CPQ: variants seen among roughly 807,000 people sequenced by gnomAD.
CPQ encodes carboxypeptidase Q.
CPQ carries 37 observed loss-of-function variants against 45.7 expected under a neutral mutation model. The observed-to-expected ratio is 0.81, with a 90% CI of 0.62 to 1.07. The LOEUF is 1.07. Ranked by LOEUF, CPQ falls within the 50% of genes least tolerant of loss-of-function variation. CPQ has a pLI of 0.00. For synonymous variants in CPQ, 186 were observed against 205.8 expected (o/e 0.90, Z 0.82); for missense variants, 537 against 572.9 (o/e 0.94, Z 0.64).
In CPQ at chr8:96,933,626, A is replaced by G. The variant is rs528375280; in HGVS notation, c.850-32309A>G. On this transcript the variant is annotated intron_variant, in intron 4 of 7. Coordinates refer to ENST00000220763, the MANE Select transcript of CPQ (RefSeq NM_016134.4). ...GAACACTTAGGAGGAGCACCATACT[A>G]TTCTATGGTGTGGTGGTCAGCAAAA... Among the ~76,000 whole-genome samples, 10 of 152,280 alleles carry G rather than the reference A, an allele frequency of 6.6e-5. No homozygotes were observed. The East Asian group carries it at 1.9e-3, about 29-fold the overall frequency.
At chr8:96,793,515 CAT>C (rs1015545663) in intron 2 of CPQ, among the ~76,000 whole-genome samples, 39 of 152,302 alleles carry the variant, frequency 2.6e-4, no homozygotes, top group African/African-American at 9.1e-4. Flanking sequence ...CTTCCCACAA[CAT>C]GTGGAAATTC....
chr8:96,924,605 C>A (rs1450124002), intron 4 of CPQ, among the ~76,000 whole-genome samples: 5 of 152,072 alleles, frequency 3.3e-5, no homozygotes, highest in African/African-American at 1.2e-4. Flanking sequence ...CTTTTATCAC[C>A]CATTCACTCC....
chr8:96,728,302 A>G (rs1345847892), intron 1 of CPQ, among the ~76,000 whole-genome samples: 1 of 152,144 alleles, frequency 6.6e-6, no homozygotes, highest in Non-Finnish European at 1.5e-5. Flanking sequence ...AAGTATGACA[A>G]GAGGCCAGGA....
intron 2 of CPQ, among the ~76,000 whole-genome samples, chr8:96,804,616 C>G (rs1811054574): frequency 6.6e-6 from 1 of 151,674 alleles, no homozygotes; most frequent in Admixed American, 6.6e-5. Context: ...ACAGTTCATA[C>G]TCTTTTGGTC....
chr8:97,105,806 T>A (rs1383311491), intron 7 of CPQ, among the ~76,000 whole-genome samples: 1 of 152,246 alleles, frequency 6.6e-6, no homozygotes, highest in Non-Finnish European at 1.5e-5. Context: ...TTTAAAAATA[T>A]CATTTACCCT....
intron 3 of CPQ, among the ~76,000 whole-genome samples, chr8:96,866,880 A>G (rs1343117779): frequency 6.6e-6 from 1 of 152,130 alleles, no homozygotes; most frequent in Non-Finnish European, 1.5e-5. Context: ...TTAGGAACAC[A>G]CTATCCAGAT....
At chr8:96,738,369 C>A (rs1354114353) in intron 1 of CPQ, among the ~76,000 whole-genome samples, 2 of 151,702 alleles carry the variant, frequency 1.3e-5, no homozygotes, top group African/African-American at 4.8e-5. Context: ...TTGCCTTATA[C>A]TTTGAAATGT....
Position 96,958,655 on chromosome 8 carries a change from G to A in CPQ, c.850-7280G>A, listed in dbSNP as rs151148391. Among the ~76,000 whole-genome samples, 722 of 152,178 alleles carry A rather than the reference G, an allele frequency of 4.7e-3. 8 individuals are homozygous for A. Among genetic ancestry groups the A allele is most frequent in the African/African-American group, 0.017 (686 of 41,506 alleles). On this transcript the variant is annotated intron_variant, in intron 4 of 7. Coordinates refer to ENST00000220763, the MANE Select transcript of CPQ (RefSeq NM_016134.4). Reference sequence around the variant, plus strand: ...ACCTAGTGCTTGGTTTTCATGCGCCGCAGATAAATTAGGTCCTTCTTGTTT... The same window carrying A: ...ACCTAGTGCTTGGTTTTCATGCGCCACAGATAAATTAGGTCCTTCTTGTTT...
At chr8:96,685,839 G>C (rs1809220221) in intron 1 of CPQ, among the ~76,000 whole-genome samples, 1 of 152,070 alleles carries the variant, frequency 6.6e-6, no homozygotes, top group African/African-American at 2.4e-5. Context: ...TTAACATTTA[G>C]AGTTTTCTTA....
intron 1 of CPQ, among the ~76,000 whole-genome samples, chr8:96,732,701 C>T (rs1327944101): frequency 2.6e-5 from 4 of 151,994 alleles, no homozygotes; most frequent in Admixed American, 1.3e-4. Context: ...GGAGACCACA[C>T]AATTTCTGGC....
At chr8:96,905,245 T>A (rs1812561105) in intron 4 of CPQ, among the ~76,000 whole-genome samples, 1 of 151,994 alleles carries the variant, frequency 6.6e-6, no homozygotes, top group African/African-American at 2.4e-5. Context: ...ATCATGAGAA[T>A]AACAAGGGAG....
At chr8:96,899,346 A>T (rs535276942) in intron 4 of CPQ, among the ~76,000 whole-genome samples, 2 of 152,320 alleles carry the variant, frequency 1.3e-5, no homozygotes, top group South Asian at 4.1e-4. Flanking sequence ...CAGTTGTACA[A>T]AAAGTAAGCC....
intron 3 of CPQ, among the ~76,000 whole-genome samples, chr8:96,842,200 T>C (rs1811622779): frequency 6.6e-6 from 1 of 152,124 alleles, no homozygotes; most frequent in Non-Finnish European, 1.5e-5. Context: ...TGTTTTTTAA[T>C]GGGAAAAAAA....
intron 1 of CPQ, among the ~76,000 whole-genome samples, chr8:96,678,546 G>A (rs193194579): frequency 5.1e-4 from 78 of 152,094 alleles, no homozygotes; most frequent in African/African-American, 1.7e-3. Flanking sequence ...GTATATAAGC[G>A]TTCCCTTTTC....
intron 5 of CPQ, among the ~76,000 whole-genome samples, chr8:97,005,952 C>T (rs1809374403): frequency 6.6e-6 from 1 of 152,122 alleles, no homozygotes; most frequent in African/African-American, 2.4e-5. Flanking sequence ...TTTATATGCT[C>T]CATAAAATTC....
chr8:97,115,636 A>C (rs950968059), intron 7 of CPQ, among the ~76,000 whole-genome samples: 1 of 152,184 alleles, frequency 6.6e-6, no homozygotes, highest in African/African-American at 2.4e-5. Context: ...GTGAAGGAGA[A>C]ATTGATTTCC....
chr8:97,054,166 G>C (rs76323992), intron 6 of CPQ, among the ~76,000 whole-genome samples: 1 of 151,976 alleles, frequency 6.6e-6, no homozygotes, highest in Non-Finnish European at 1.5e-5. Context: ...ACAAACATAT[G>C]AAAAAATGTT....
intron 2 of CPQ, among the ~76,000 whole-genome samples, chr8:96,830,102 G>A (rs921558589): frequency 6.6e-6 from 1 of 152,110 alleles, no homozygotes; most frequent in Non-Finnish European, 1.5e-5. Flanking sequence ...ATCTTGCATA[G>A]TGCACACATT....
At chr8:97,031,044 C>A (rs1259355277) in intron 6 of CPQ, among the ~76,000 whole-genome samples, 1 of 152,016 alleles carries the variant, frequency 6.6e-6, no homozygotes, top group Admixed American at 6.5e-5. Context: ...AAACAAGAGC[C>A]TGAACAAGAA....
Sources: gnomAD v4.1 joint callset for allele counts (sites outside exome capture counted in the v4.1 genomes callset) on GRCh38, gnomAD v4.1.1 for gene constraint, MANE v1.5 for transcripts, NCBI Gene and HGNC (gene_info 2026-07-23, HGNC 2026-07-21) for gene names.